CDC123: variants seen among roughly 807,000 people sequenced by gnomAD.
CDC123 encodes cell division cycle 123, also known as translation initiation factor eIF2 assembly protein.
CDC123 carries 37 observed loss-of-function variants against 54.4 expected under a neutral mutation model. The observed-to-expected ratio is 0.68, with a 90% confidence interval of 0.52 to 0.89. CDC123 has a LOEUF of 0.89. CDC123 is among the 40% of genes least tolerant of loss of function. The pLI is 0.00. For missense variants in CDC123, 361 were observed against 412.1 expected (o/e 0.88, Z 1.07); for synonymous variants, 144 against 136.8 (o/e 1.05, Z -0.37).
At chr10:12,231,041 G>T in intron 7 of CDC123, 45 bp downstream of exon 7, 1 of 1,487,060 alleles carries the variant, frequency 6.7e-7, no homozygotes, top group South Asian at 1.2e-5. Context: ...AAGATGTGTT[G>T]AGAATTGCTA....
At chr10:12,241,154 A>G (rs879452973) in intron 10 of CDC123, among the ~76,000 whole-genome samples, 9 of 130,746 alleles carry the variant, frequency 6.9e-5, no homozygotes, top group Non-Finnish European at 1.4e-4. Flanking sequence ...TTCTACTTCT[A>G]TTTTTCTTAG....
intron 10 of CDC123, chr10:12,245,377 C>G (rs1369814330): frequency 6.6e-6 from 1 of 152,214 alleles, no homozygotes; most frequent in Admixed American, 6.6e-5. Flanking sequence ...TACCTCAGCC[C>G]CCTAAGTAGC....
Position 12,235,045 on chromosome 10 carries a change from C to T in CDC123, c.490-3C>T, listed in dbSNP as rs756336588. The T allele has an allele frequency of 2.5e-6, 4 of 1,612,480 alleles. No homozygotes were observed. The highest frequency in any genetic ancestry group is 2.5e-6 in the Non-Finnish European group (3 of 1,178,662). On this transcript the variant is annotated splice_polypyrimidine_tract_variant and splice_region_variant and intron_variant, in intron 7 of 12. Transcript: ENST00000281141. ...TATTAAATATTTTTTCTTTTGTTTA[C>T]AGCTCGTTCTCCGAAAATGGTGTGA...
At chr10:12,232,760 A>G (rs12413646) in intron 7 of CDC123, among the ~76,000 whole-genome samples, 33,425 of 151,658 alleles carry the variant, frequency 0.22, 4,633 homozygotes, top group Non-Finnish European at 0.31. Flanking sequence ...TCTGCCAGGT[A>G]TGAGAAAGAG....
intron 2 of CDC123, among the ~76,000 whole-genome samples, chr10:12,199,327 A>T (rs1312441621): frequency 6.6e-6 from 1 of 152,190 alleles, no homozygotes; most frequent in Non-Finnish European, 1.5e-5. Flanking sequence ...TCATTTTTTA[A>T]TTCGAGTCTG....
chr10:12,206,820 G>T (rs7072712), intron 2 of CDC123, among the ~76,000 whole-genome samples: 4,428 of 152,084 alleles, frequency 0.029, 216 homozygotes, highest in African/African-American at 0.1. Context: ...TTAGCCGGGT[G>T]TGGTGGCGGG....
chr10:12,213,710 G>A (rs936442860), intron 4 of CDC123, among the ~76,000 whole-genome samples: 3 of 152,084 alleles, frequency 2.0e-5, no homozygotes, highest in East Asian at 1.9e-4. Context: ...TCTTTAATGC[G>A]TGTTGAAGAT....
intron 12 of CDC123, 33 bp from the exon 13 acceptor site, chr10:12,250,275 GTGC>G (rs773224965): frequency 7.1e-7 from 1 of 1,400,480 alleles, no homozygotes; most frequent in Non-Finnish European, 1.0e-6. Flanking sequence ...CAAGGAGCAT[GTGC>G]TATTTTAACA....
chr10:12,201,595 A>G (rs139537091), intron 2 of CDC123, among the ~76,000 whole-genome samples: 1 of 152,138 alleles, frequency 6.6e-6, no homozygotes, highest in Non-Finnish European at 1.5e-5. Flanking sequence ...GAGTATGGGG[A>G]GTGAGAGAAG....
chr10:12,232,254 CAA>C (rs1835911759), intron 7 of CDC123, among the ~76,000 whole-genome samples: 1 of 152,030 alleles, frequency 6.6e-6, no homozygotes, highest in African/African-American at 2.4e-5. Context: ...TAGTTTGTTG[CAA>C]AGAGGATGGC....
rs182043734 is a variant in CDC123 at position 12,201,052 on chromosome 10, A to G, written c.146+2276A>G. Reference sequence around the variant, plus strand: ...CAGCTTCATATTTGTGAAAGCCAGCATGGCATGGTGCTGTTTCTTTAGTCA... The same window carrying G: ...CAGCTTCATATTTGTGAAAGCCAGCGTGGCATGGTGCTGTTTCTTTAGTCA... On this transcript the variant is annotated intron_variant, in intron 2 of 12. Coordinates refer to ENST00000281141, the MANE Select transcript of CDC123 (RefSeq NM_006023.3). Among the ~76,000 whole-genome samples, 1,484 of 152,348 alleles carry G rather than the reference A, an allele frequency of 9.7e-3. 11 individuals carry two copies. Among genetic ancestry groups the G allele is most frequent in the Non-Finnish European group, 0.013 (905 of 68,036 alleles).
intron 8 of CDC123, among the ~76,000 whole-genome samples, chr10:12,235,779 A>T (rs1320015378): frequency 6.6e-6 from 1 of 152,210 alleles, no homozygotes; most frequent in East Asian, 1.9e-4. Flanking sequence ...AACCCACCTG[A>T]AAGAAAGTTG....
chr10:12,204,169 G>T (rs1835482829), intron 2 of CDC123, among the ~76,000 whole-genome samples: 1 of 152,112 alleles, frequency 6.6e-6, no homozygotes, highest in South Asian at 2.1e-4. Context: ...GTGAGCTGGG[G>T]TCATCCAGAA....
intron 1 of CDC123, 61 bp downstream of exon 1, chr10:12,196,380 A>G (rs1835345415): frequency 1.9e-6 from 3 of 1,609,158 alleles, no homozygotes; most frequent in East Asian, 2.2e-5. Context: ...TTCTGAGCGA[A>G]TCTTACTGCT....
chr10:12,229,886 G>A (rs1466904335), intron 6 of CDC123, among the ~76,000 whole-genome samples: 1 of 152,202 alleles, frequency 6.6e-6, no homozygotes, highest in African/African-American at 2.4e-5. Flanking sequence ...TGTGACTTTC[G>A]ATGGCCAACG....
At chr10:12,197,282 C>G (rs959501121) in intron 1 of CDC123, among the ~76,000 whole-genome samples, 1 of 152,014 alleles carries the variant, frequency 6.6e-6, no homozygotes, top group Non-Finnish European at 1.5e-5. Flanking sequence ...TTTAAAGAGA[C>G]TTTTAAGTTG....
intron 4 of CDC123, 60 bp from the exon 5 acceptor site, chr10:12,215,678 CTT>C (rs1451452664): frequency 2.3e-6 from 2 of 887,858 alleles, no homozygotes; most frequent in Non-Finnish European, 3.3e-6. Context: ...AGATTTTGAT[CTT>C]GTTTTATATA....
chr10:12,198,213 GAC>G (rs2131727888), intron 1 of CDC123, among the ~76,000 whole-genome samples: 2 of 152,320 alleles, frequency 1.3e-5, no homozygotes, highest in South Asian at 4.1e-4. Flanking sequence ...AAGCCAGCAA[GAC>G]ACATCCAAAA....
chr10:12,204,518 A>G (rs938376420), intron 2 of CDC123, among the ~76,000 whole-genome samples: 2 of 152,122 alleles, frequency 1.3e-5, no homozygotes, highest in African/African-American at 4.8e-5. Context: ...TAGTGTACAT[A>G]TTTATGGGGA....
Sources: allele counts gnomAD v4.1 joint callset (sites outside exome capture counted in the v4.1 genomes callset), GRCh38; gene constraint gnomAD v4.1.1; transcripts MANE v1.5; gene names NCBI Gene and HGNC (gene_info 2026-07-23, HGNC 2026-07-21).